Variants in TMEM171 observed in about 807,000 individuals in gnomAD.
TMEM171 encodes the protein proline-rich protein PRP2.
TMEM171 carries 16 observed loss-of-function variants against 19.1 expected under a neutral mutation model. The ratio of observed to expected loss-of-function variants is 0.84; its 90% CI spans 0.57 to 1.27. The LOEUF is 1.27. Ranked by LOEUF, TMEM171 falls within the 50% of genes most tolerant of loss-of-function variation. The pLI is 0.00. For missense variants in TMEM171, 429 were observed against 412.7 expected, an observed-to-expected ratio of 1.04 and a Z score of -0.34; for synonymous variants, 153 against 163.4, an observed-to-expected ratio of 0.94 and a Z score of 0.48.
At chr5:73,128,290 C>T (rs962852916) in intron 2 of TMEM171, 100 bp from the exon 3 acceptor site, 1 of 1,452,738 alleles carries the variant, frequency 6.9e-7, no homozygotes, top group East Asian at 2.3e-5. Flanking sequence ...GTGTGTTGAC[C>T]TTTTATATAG....
intron 3 of TMEM171, among the ~76,000 whole-genome samples, chr5:73,128,838 A>C (rs1210161466): frequency 1.3e-5 from 2 of 152,192 alleles, no homozygotes; most frequent in African/African-American, 4.8e-5. Flanking sequence ...CACACCTGTA[A>C]TCCCAGCATT....
intron 3 of TMEM171, 53 bp from the exon 4 acceptor site, chr5:73,131,485 G>C (rs1744353195): frequency 7.1e-7 from 1 of 1,415,216 alleles, no homozygotes; most frequent in Non-Finnish European, 9.5e-7. Flanking sequence ...AGTACTAAAG[G>C]GGTGTCACTG....
rs1335205231 is a variant in TMEM171, at chr5:73,128,515, A to G, written c.766A>G (p.Ser256Gly). ...GAATGAAAACCCCCCTTCATATTAC[A>G]GTATTTTCAACTATGGGTAAGAATT... ...LPNENPPSYY[S>G]IFNYGRTPTS... The change falls in exon 3 of 4, where the codon AGT (serine) becomes GGT (glycine). Residue 256 changes from serine to glycine, a missense_variant. Physicochemically the swap from Ser to Gly is moderately conservative, Grantham distance 56. Coordinates refer to ENST00000454765, the MANE Select transcript of TMEM171 (RefSeq NM_173490.8). The G allele has an allele frequency of 1.2e-6, 2 of 1,613,972 alleles. No individual in the cohort carries two copies. Among genetic ancestry groups the G allele is most frequent in the Non-Finnish European group, 1.7e-6 (2 of 1,180,006 alleles).
At chr5:73,128,050 G>A (rs984885190) in intron 2 of TMEM171, among the ~76,000 whole-genome samples, 3 of 152,084 alleles carry the variant, frequency 2.0e-5, no homozygotes, top group African/African-American at 4.8e-5. Context: ...CAGCCAAACC[G>A]TTTTTAAATG....
intron 3 of TMEM171, among the ~76,000 whole-genome samples, chr5:73,130,250 T>C (rs1004018438): frequency 2.6e-5 from 4 of 151,938 alleles, no homozygotes; most frequent in Admixed American, 1.3e-4. Context: ...AGTCAGGGAC[T>C]AGTGGGAGAC....
chr5:73,124,227 C>G (rs1465025726), intron 2 of TMEM171, among the ~76,000 whole-genome samples: 1 of 152,206 alleles, frequency 6.6e-6, no homozygotes, highest in Non-Finnish European at 1.5e-5. Flanking sequence ...TTTTCCCCCC[C>G]AGCAACTCTT....
intron 2 of TMEM171, among the ~76,000 whole-genome samples, chr5:73,126,348 C>T (rs1272870454): frequency 6.6e-6 from 1 of 152,118 alleles, no homozygotes; most frequent in Non-Finnish European, 1.5e-5. Context: ...ATTAGCAAAA[C>T]GTATTTTAAA....
At position 73,123,815 on chromosome 5, in the gene TMEM171, A is replaced by T; in HGVS notation, c.442A>T (p.Thr148Ser). 1 of 1,612,714 alleles carries T rather than the reference A, an allele frequency of 6.2e-7. No homozygotes were observed. Among genetic ancestry groups the T allele is most frequent in the Non-Finnish European group, 8.5e-7 (1 of 1,179,114 alleles). Residue 148 changes from threonine to serine, a missense_variant, in exon 2 of 4, where the codon ACA becomes TCA. Transcript: ENST00000454765. ...CTGGGCGCAGGAACCGCTAAACGAG[A>T]CAGACACTGGCGACTCAGAGCCCCG... ...SNWAQEPLNE[T>S]DTGDSEPRMC...
chr5:73,130,440 G>A (rs1038599902), intron 3 of TMEM171, among the ~76,000 whole-genome samples: 1 of 152,180 alleles, frequency 6.6e-6, no homozygotes, highest in African/African-American at 2.4e-5. Flanking sequence ...TTTGCATGCA[G>A]TGAGCAGCAG....
chr5:73,123,960 CTG>C lies in TMEM171; in HGVS notation c.588_589del (p.Glu199ArgfsTer16). ...ACGCTGAATGCTGGCCAGGATGCCT[CTG>C]AGAGAGAAGAGGGACAGATCCAGAT... On this transcript the variant is annotated frameshift_variant, in exon 2 of 4. Coordinates refer to ENST00000454765, the MANE Select transcript of TMEM171 (RefSeq NM_173490.8). LOFTEE classifies it high-confidence loss of function. 4 of 1,604,956 alleles carry C rather than the reference CTG, an allele frequency of 2.5e-6. No individual in the cohort carries two copies. The highest frequency in any genetic ancestry group is 3.4e-6 in the Non-Finnish European group (4 of 1,176,192).
rs572372880 is a variant in TMEM171 at position 73,130,441 on chromosome 5, T to G, written c.783-1097T>G. ...GAGATATGTGCATTTTTGCATGCAG[T>G]GAGCAGCAGGCACAGAGAGACTGGT... On this transcript the variant is annotated intron_variant, in intron 3 of 3. Transcript: ENST00000454765. Among the ~76,000 whole-genome samples the G allele has an allele frequency of 6.6e-5, 10 of 152,264 alleles. No individual in the cohort carries two copies. The South Asian group carries it at 1.7e-3, about 25-fold the overall frequency.
At chr5:73,131,307 G>A (rs971259309) in intron 3 of TMEM171, among the ~76,000 whole-genome samples, 4 of 152,052 alleles carry the variant, frequency 2.6e-5, no homozygotes, top group Admixed American at 6.5e-5. Flanking sequence ...CAATGACAAA[G>A]GGAATGACAG....
At chr5:73,127,369 TAAAAAAA>T (rs150651292) in intron 2 of TMEM171, among the ~76,000 whole-genome samples, 1 of 97,202 alleles carries the variant, frequency 1.0e-5, no homozygotes, top group African/African-American at 5.2e-5. Flanking sequence ...AAATTTGTGG[TAAAAAAA>T]AAAAAAAAAT....
Position 73,128,375 on chromosome 5 carries a change from A to G in TMEM171, c.641-15A>G, listed in dbSNP as rs563691729. The G allele has an allele frequency of 1.2e-6, 2 of 1,611,556 alleles. No individual in the cohort carries two copies. Among genetic ancestry groups the G allele is most frequent in the East Asian group, 2.2e-5 (1 of 44,840 alleles). On this transcript the variant is annotated splice_polypyrimidine_tract_variant and intron_variant, in intron 2 of 3. Coordinates refer to ENST00000454765, the MANE Select transcript of TMEM171 (RefSeq NM_173490.8). Reference sequence around the variant, plus strand: ...ATTACCCACCTGTTGTCAACTAAATATTGTTTTGCCTTAGGTGACTCGGTA... The same window carrying G: ...ATTACCCACCTGTTGTCAACTAAATGTTGTTTTGCCTTAGGTGACTCGGTA...
intron 3 of TMEM171, among the ~76,000 whole-genome samples, chr5:73,129,430 G>A (rs762825175): frequency 2.0e-5 from 3 of 152,198 alleles, no homozygotes; most frequent in African/African-American, 7.2e-5. Context: ...CCCATCTGCC[G>A]AAAGGTGGGT....
rs200969145 is a variant in TMEM171 at position 73,123,819 on chromosome 5, A to T, written c.446A>T (p.Asp149Val). The T allele has an allele frequency of 1.4e-4, 231 of 1,612,772 alleles. 2 individuals are homozygous for T. In the East Asian group the frequency reaches 5.0e-3, roughly 35 times the overall value. Residue 149 changes from aspartate (D) to valine (V), a missense_variant, in exon 2 of 4, where the codon GAC (aspartate) becomes GTC (valine). Asp to Val is a radical substitution (Grantham distance 152). Transcript: ENST00000454765. ...GCGCAGGAACCGCTAAACGAGACAG[A>T]CACTGGCGACTCAGAGCCCCGGATG... ...NWAQEPLNET[D>V]TGDSEPRMCG... is the part of the protein sequence containing the mutation.
At chr5:73,129,203 G>C (rs990465568) in intron 3 of TMEM171, among the ~76,000 whole-genome samples, 1 of 152,180 alleles carries the variant, frequency 6.6e-6, no homozygotes, top group African/African-American at 2.4e-5. Context: ...CTGCTCAAGG[G>C]CCCAGTTCCA....
At chr5:73,126,065 G>A (rs1202190343) in intron 2 of TMEM171, among the ~76,000 whole-genome samples, 2 of 152,222 alleles carry the variant, frequency 1.3e-5, no homozygotes, top group Non-Finnish European at 2.9e-5. Flanking sequence ...GCAGAGGAGA[G>A]GCCTCTTTCC....
At position 73,127,384 on chromosome 5, in the gene TMEM171, A is replaced by AAAAAAAAAATATATATATAT; in HGVS notation, c.641-1005_641-1004insAAAAAAAATATATATATATA. On this transcript the variant is annotated intron_variant, in intron 2 of 3. Transcript: ENST00000454765. ...AAATTTGTGGTAAAAAAAAAAAAAA[A>AAAAAAAAAATATATATATAT]ATATATATATATATATATATATAAA... is the stretch of plus-strand genomic sequence containing the variant. 4.9e-5 allele frequency among the ~76,000 whole-genome samples: 4 copies of AAAAAAAAAATATATATATAT among 81,678 alleles called. No individual in the cohort carries two copies. The East Asian group carries it at 1.0e-3, about 21-fold the overall frequency. The allele number at this position is 81,678 out of a possible 152,430, so 53.6% of individuals were successfully genotyped here.
Sources: gnomAD v4.1 joint callset for allele counts (sites outside exome capture counted in the v4.1 genomes callset) on GRCh38, gnomAD v4.1.1 for gene constraint, MANE v1.5 for transcripts, NCBI Gene and HGNC (gene_info 2026-07-23, HGNC 2026-07-21) for gene names.